PLTP: variants seen among roughly 807,000 people sequenced by gnomAD.
PLTP encodes the protein BPI fold containing family E.
Under a neutral mutation model 54.1 loss-of-function variants are expected in PLTP, and 43 were observed. The observed-to-expected ratio is 0.79, with a 90% CI of 0.62 to 1.02. PLTP has a LOEUF of 1.02. Among genes scored for constraint, PLTP ranks in the 50% least tolerant of loss-of-function variants. The pLI is 0.00. For missense variants in PLTP, 604 were observed against 645.9 expected (o/e 0.94, Z 0.70); for synonymous variants, 263 against 264.6 (o/e 0.99, Z 0.06).
chr20:45,899,508 A>G lies in PLTP; in HGVS notation c.1313T>C (p.Leu438Pro), dbSNP rs1253756814. The G allele has an allele frequency of 6.2e-7, 1 of 1,614,094 alleles. No individual in the cohort carries two copies. The highest frequency in any genetic ancestry group is 2.2e-5 in the East Asian group (1 of 44,862). ...ATGCACAAAGTTGATGCCCTCAGGTAGTGGGATCTGCACCCCACGCCAGGT... is the reference window on the plus strand; with the variant it reads ...ATGCACAAAGTTGATGCCCTCAGGTGGTGGGATCTGCACCCCACGCCAGGT... ...ERTWRGVQIP[L>P]PEGINFVHEV... Residue 438 changes from leucine to proline, a missense_variant, in exon 15 of 16, where the codon CTA becomes CCA. By Grantham distance (98) the Leu-to-Pro change is moderately conservative. Coordinates refer to ENST00000372431, the MANE Select transcript of PLTP (RefSeq NM_006227.4).
Position 45,898,735 on chromosome 20 carries a change from C to A in PLTP, c.*206G>T, listed in dbSNP as rs961023088. On this transcript the variant is annotated 3_prime_UTR_variant, in exon 16 of 16. Coordinates refer to ENST00000372431, the MANE Select transcript of PLTP (RefSeq NM_006227.4). The surrounding 1 kb of genome is among the most constrained non-coding windows in gnomAD (Gnocchi z 4.6). ...CACTGATTCCATCCCAGGAACCCAA[C>A]AGAGCTCAGGACAGCCCACAGGGAG... The A allele has an allele frequency of 2.9e-6, 2 of 695,290 alleles. No homozygotes were observed. Among genetic ancestry groups the A allele is most frequent in the South Asian group, 1.9e-5 (1 of 54,014 alleles). The allele number at this position is 695,290 out of a possible 1,614,324, so 43.1% of individuals were successfully genotyped here. A position where few individuals can be genotyped will look rare whatever the true frequency, so the allele number is the denominator to read the frequency against.
rs2083271055 is a variant in PLTP, at chr20:45,909,590, T to C, written c.411A>G (p.Gly137=). ...AGGAGACATTGGACACTTTCATCCG[T>C]CCAGCGGGATCCCGGGAGAGCTCCA... is the stretch of plus-strand genomic sequence containing the variant. The part of the protein sequence containing the change: ...TGLELSRDPA[G]RMKVSNVSCQ... The change falls in exon 5 of 16, where the codon GGA becomes GGG. Residue 137 remains glycine, a synonymous_variant. Coordinates refer to ENST00000372431, the MANE Select transcript of PLTP (RefSeq NM_006227.4). 2 of 1,614,132 alleles carry C rather than the reference T, an allele frequency of 1.2e-6. No homozygotes were observed. The highest frequency in any genetic ancestry group is 1.7e-6 in the Non-Finnish European group (2 of 1,180,016).
intron 1 of PLTP, chr20:45,911,679 C>G: frequency 1.6e-6 from 1 of 640,248 alleles, no homozygotes; most frequent in East Asian, 2.8e-5. Flanking sequence ...ATTTGGGACA[C>G]GGGGGAGGGG....
At chr20:45,907,543 A>T in intron 7 of PLTP, 149 bp downstream of exon 7, 1 of 751,602 alleles carries the variant, frequency 1.3e-6, no homozygotes. Context: ...GCCCAGACAG[A>T]AATGAGCACT....
At chr20:45,899,324 A>G in intron 15 of PLTP, 138 bp downstream of exon 15, 4 of 978,712 alleles carry the variant, frequency 4.1e-6, no homozygotes, top group Non-Finnish European at 6.3e-6. Flanking sequence ...CAGTGTGTGC[A>G]ACGGCTTTTA....
At chr20:45,903,264 A>G (rs1438216658) in intron 10 of PLTP, among the ~76,000 whole-genome samples, 3 of 152,140 alleles carry the variant, frequency 2.0e-5, no homozygotes, top group Non-Finnish European at 4.4e-5. Context: ...CAGTGGCATG[A>G]TCACGGCTCA....
chr20:45,905,073 G>C lies in PLTP; in HGVS notation c.751C>G (p.Arg251Gly). Reference protein sequence around the residue: ...LTERNWSLPNRAVEPQLQEEE... With the variant: ...LTERNWSLPNGAVEPQLQEEE... ...TCCTGCAGCTGGGGCTCCACTGCCCGGTTGGGGAGGCTCCAGTTCCTCTCA... is the reference window on the plus strand; with the variant it reads ...TCCTGCAGCTGGGGCTCCACTGCCCCGTTGGGGAGGCTCCAGTTCCTCTCA... Residue 251 changes from arginine (R) to glycine (G), a missense_variant, in exon 9 of 16, where the codon CGG (arginine) becomes GGG (glycine). By Grantham distance (125) the Arg-to-Gly change is moderately radical. Coordinates refer to ENST00000372431, the MANE Select transcript of PLTP (RefSeq NM_006227.4). 1 of 1,614,206 alleles carries C rather than the reference G, an allele frequency of 6.2e-7. No individual in the cohort carries two copies. Among genetic ancestry groups the C allele is most frequent in the Non-Finnish European group, 8.5e-7 (1 of 1,180,026 alleles).
chr20:45,910,901 T>G (rs773998914), intron 3 of PLTP: 122 of 1,391,564 alleles, frequency 8.8e-5, no homozygotes, highest in Non-Finnish European at 1.1e-4. Context: ...ACGCCTCACA[T>G]CCACTGGTCC....
intron 13 of PLTP, 29 bp downstream of exon 13, chr20:45,899,807 G>GGGCCGGGCCCCCCCCCCCCCCCC: frequency 7.3e-7 from 1 of 1,369,468 alleles, no homozygotes; most frequent in Non-Finnish European, 1.0e-6. Context: ...CACGAACCCA[G>GGGCCGGGCCCCCCCCCCCCCCCC]CCCAGCCCAC....
Position 45,902,311 on chromosome 20 carries a change from C to T in PLTP, c.1131G>A (p.Met377Ile). ...TGCGCAGGGCCTTCCCCCGGAGAGC[C>T]ATCTTGGCGCTGAGACGGGCGTCCT... The part of the protein sequence containing the change: ...MTMDARLSAK[M>I]ALRGKALRTQ... The change falls in exon 12 of 16, where the codon ATG (methionine) becomes ATA (isoleucine). Residue 377 changes from methionine to isoleucine, a missense_variant. Coordinates refer to ENST00000372431, the MANE Select transcript of PLTP (RefSeq NM_006227.4). 3 of 1,614,162 alleles carry T rather than the reference C, an allele frequency of 1.9e-6. No individual in the cohort carries two copies. The highest frequency in any genetic ancestry group is 2.5e-6 in the Non-Finnish European group (3 of 1,180,044).
chr20:45,899,554 C>T lies in PLTP; in HGVS notation c.1283-16G>A. 6.2e-7 allele frequency: 1 copy of T among 1,614,158 alleles called. No individual in the cohort carries two copies. The highest frequency in any genetic ancestry group is 1.1e-5 in the South Asian group (1 of 91,082). ...CAGGTCCGCTCTGTGGGTGGGAGCA[C>T]CCCGCTCAGTCTGGGCCCGCCCAGT... On this transcript the variant is annotated splice_polypyrimidine_tract_variant and intron_variant, in intron 14 of 15. Coordinates refer to ENST00000372431, the MANE Select transcript of PLTP (RefSeq NM_006227.4).
chr20:45,910,569 C>T (rs2083280577), intron 3 of PLTP, among the ~76,000 whole-genome samples: 1 of 150,724 alleles, frequency 6.6e-6, no homozygotes, highest in South Asian at 2.1e-4. Flanking sequence ...GAGCCAAGAT[C>T]GCGCCACTGC....
chr20:45,904,974 C>T lies in PLTP; in HGVS notation c.850G>A (p.Gly284Arg), dbSNP rs2083225625. 4.3e-6 allele frequency: 7 copies of T among 1,614,136 alleles called. No homozygotes were observed. The highest frequency in any genetic ancestry group is 5.9e-6 in the Non-Finnish European group (7 of 1,180,038). Reference sequence around the variant, plus strand: ...CCCACCAGCAACAGCTGCAGGGCCCCCGCCCGGAAGTAGCTCTCCATGGCA... The same window carrying T: ...CCCACCAGCAACAGCTGCAGGGCCCTCGCCCGGAAGTAGCTCTCCATGGCA... Reference protein sequence around the residue: ...DSAMESYFRAGALQLLLVGDK... With the variant: ...DSAMESYFRARALQLLLVGDK... Residue 284 changes from glycine to arginine, a missense_variant, in exon 9 of 16, where the codon GGG becomes AGG. Physicochemically the swap from Gly to Arg is moderately radical, Grantham distance 125. Coordinates refer to ENST00000372431, the MANE Select transcript of PLTP (RefSeq NM_006227.4).
chr20:45,898,841 T>G lies in PLTP; in HGVS notation c.*100A>C. 1 of 1,333,842 alleles carries G rather than the reference T, an allele frequency of 7.5e-7. No homozygotes were observed. The highest frequency in any genetic ancestry group is 1.0e-6 in the Non-Finnish European group (1 of 966,470). The allele number at this position is 1,333,842 out of a possible 1,614,324, so 82.6% of individuals were successfully genotyped here. A position where few individuals can be genotyped will look rare whatever the true frequency, so the allele number is the denominator to read the frequency against. ...TCAAATCCCGTCTTCTCTGTGGCACTGGGGGTTAGAGGGGGCACTACAGGC... is the reference window on the plus strand; with the variant it reads ...TCAAATCCCGTCTTCTCTGTGGCACGGGGGGTTAGAGGGGGCACTACAGGC... On this transcript the variant is annotated 3_prime_UTR_variant, in exon 16 of 16. Coordinates refer to ENST00000372431, the MANE Select transcript of PLTP (RefSeq NM_006227.4). The surrounding 1 kb of genome is among the most constrained non-coding windows in gnomAD (Gnocchi z 4.6).
chr20:45,905,753 C>T (rs2083233323), intron 8 of PLTP, among the ~76,000 whole-genome samples: 2 of 152,180 alleles, frequency 1.3e-5, no homozygotes, highest in Admixed American at 6.5e-5. Context: ...TTCTAGCTCC[C>T]GAGTCTGCAC....
At chr20:45,901,507 T>C (rs2083183823) in intron 12 of PLTP, among the ~76,000 whole-genome samples, 1 of 152,092 alleles carries the variant, frequency 6.6e-6, no homozygotes, top group South Asian at 2.1e-4. Flanking sequence ...GGCTGGACGA[T>C]CACTTGAGCC....
At chr20:45,903,129 A>G (rs1193098662) in intron 10 of PLTP, among the ~76,000 whole-genome samples, 16 of 151,960 alleles carry the variant, frequency 1.1e-4, no homozygotes, top group Non-Finnish European at 2.1e-4. Context: ...TGATTCGCCC[A>G]CCTCGGCCTC....
At chr20:45,910,102 CAAG>C (rs943343822) in intron 3 of PLTP, 32 bp from the exon 4 acceptor site, 6 of 1,612,202 alleles carry the variant, frequency 3.7e-6, no homozygotes, top group African/African-American at 1.3e-5. Context: ...GATCCAGGGC[CAAG>C]AAGAGGGAAC....
chr20:45,911,375 G>A lies in PLTP; in HGVS notation c.78C>T (p.Val26=). The change falls in exon 2 of 16, where the codon GTC becomes GTT. Residue 26 remains valine (V), a synonymous_variant. Coordinates refer to ENST00000372431, the MANE Select transcript of PLTP (RefSeq NM_006227.4). ...HAEFPGCKIR[V]TSKALELVKQ... Reference sequence around the variant, plus strand: ...TACCCAGCTCCAGCGCCTTGGAGGTGACGCGGATCTTGCAGCCTGGGAACT... The same window carrying A: ...TACCCAGCTCCAGCGCCTTGGAGGTAACGCGGATCTTGCAGCCTGGGAACT... 2.5e-6 allele frequency: 4 copies of A among 1,612,254 alleles called. No homozygotes were observed. The highest frequency in any genetic ancestry group is 2.5e-6 in the Non-Finnish European group (3 of 1,180,028).
Sources: allele counts gnomAD v4.1 joint callset (sites outside exome capture counted in the v4.1 genomes callset), GRCh38; gene constraint gnomAD v4.1.1; non-coding constraint Gnocchi (gnomAD v3.1); transcripts MANE v1.5; gene names NCBI Gene and HGNC (gene_info 2026-07-23, HGNC 2026-07-21).